The following AUTS2 variants were observed in gnomAD, a reference collection of about 807,000 sequenced individuals.
AUTS2 encodes the protein activator of transcription and developmental regulator AUTS2.
In AUTS2, 17 loss-of-function variants were observed where a neutral mutation model predicts 112.4. That is an observed-to-expected ratio of 0.15 (90% CI 0.10 to 0.23). The LOEUF is 0.23. Among genes scored for constraint, AUTS2 ranks in the 10% least tolerant of loss-of-function variants. The pLI is 1.00. For missense variants in AUTS2, 1,510 were observed against 1,701.6 expected (o/e 0.89, Z 1.98); for synonymous variants, 751 against 702.7 (o/e 1.07, Z -1.09).
intron 1 of AUTS2, among the ~76,000 whole-genome samples, chr7:69,690,647 C>T (rs1343850545): frequency 1.3e-5 from 2 of 152,174 alleles, no homozygotes; most frequent in Admixed American, 6.5e-5. Flanking sequence ...GCGGTGGCAC[C>T]TGGAAGCTTG....
At chr7:69,806,086 GAC>G (rs1790288606) in intron 1 of AUTS2, among the ~76,000 whole-genome samples, 1 of 146,014 alleles carries the variant, frequency 6.8e-6, no homozygotes, top group South Asian at 2.2e-4. Flanking sequence ...TTTTGATAGA[GAC>G]ACACACGGTC....
intron 6 of AUTS2, among the ~76,000 whole-genome samples, chr7:70,715,094 C>T (rs748199592): frequency 2.0e-5 from 3 of 152,204 alleles, no homozygotes; most frequent in African/African-American, 7.2e-5. Flanking sequence ...CCCTCATCAA[C>T]TAGAGTTCTT....
At chr7:70,731,663 T>G (rs1158839507) in intron 6 of AUTS2, among the ~76,000 whole-genome samples, 1 of 151,810 alleles carries the variant, frequency 6.6e-6, no homozygotes, top group Non-Finnish European at 1.5e-5. Context: ...TCTCCTGACC[T>G]TGTGATCCAC....
rs1583911122 is a variant in AUTS2, at chr7:69,598,601, T to C, written c.-1053T>C. 3 of 171,532 alleles carry C rather than the reference T, an allele frequency of 1.7e-5. No homozygotes were observed. The East Asian group carries it at 5.9e-4, about 34-fold the overall frequency. The allele number at this position is 171,532 out of a possible 1,614,324, so 10.6% of individuals were successfully genotyped here. A position where few individuals can be genotyped will look rare whatever the true frequency, so the allele number is the denominator to read the frequency against. ...CGGCGGCGAGAGCAGCGTTCCCGGC[T>C]GCGCTTCTCCCTCAGGCGGGGCGGC... On this transcript the variant is annotated 5_prime_UTR_variant, in exon 1 of 19. Transcript: ENST00000342771.
intron 6 of AUTS2, among the ~76,000 whole-genome samples, chr7:70,721,804 G>A (rs1786696769): frequency 6.6e-6 from 1 of 152,096 alleles, no homozygotes; most frequent in African/African-American, 2.4e-5. Context: ...TAGATCCACT[G>A]TTCTTAACAT....
chr7:70,038,447 G>A (rs1046303421), intron 2 of AUTS2, among the ~76,000 whole-genome samples: 2 of 152,108 alleles, frequency 1.3e-5, no homozygotes, highest in African/African-American at 4.8e-5. Context: ...GCAGAGAAAC[G>A]TTGACTGGTG....
chr7:69,937,664 AC>A (rs1449835067), intron 2 of AUTS2, among the ~76,000 whole-genome samples: 2 of 152,202 alleles, frequency 1.3e-5, no homozygotes, highest in African/African-American at 4.8e-5. Flanking sequence ...GTCCCTGAGT[AC>A]AATATTAGGC....
At chr7:70,691,950 G>A (rs1464763521) in intron 5 of AUTS2, among the ~76,000 whole-genome samples, 3 of 144,536 alleles carry the variant, frequency 2.1e-5, no homozygotes, top group Non-Finnish European at 4.5e-5. Context: ...GCGTGATCTC[G>A]GCTCACTGCA....
At chr7:69,910,207 T>C (rs1795297530) in intron 2 of AUTS2, among the ~76,000 whole-genome samples, 1 of 152,184 alleles carries the variant, frequency 6.6e-6, no homozygotes, top group African/African-American at 2.4e-5. Flanking sequence ...GGGAGTATAT[T>C]GGTGTCATGG....
At chr7:70,518,552 C>T (rs896416132) in intron 5 of AUTS2, among the ~76,000 whole-genome samples, 1 of 151,936 alleles carries the variant, frequency 6.6e-6, no homozygotes, top group Non-Finnish European at 1.5e-5. Context: ...GGCGTGGTGG[C>T]GGGTGCCTGT....
At chr7:70,417,569 C>G (rs1241473147) in intron 4 of AUTS2, among the ~76,000 whole-genome samples, 2 of 152,216 alleles carry the variant, frequency 1.3e-5, no homozygotes, top group African/African-American at 4.8e-5. Flanking sequence ...GCTTGCAAAC[C>G]GTTACTTACA....
intron 3 of AUTS2, 126 bp downstream of exon 3, chr7:70,118,359 G>C (rs1377381750): frequency 2.6e-6 from 3 of 1,141,898 alleles, no homozygotes; most frequent in Non-Finnish European, 3.5e-6. Flanking sequence ...GTCTACCCAA[G>C]CATTGCGGTT....
At chr7:70,068,107 G>A (rs983349930) in intron 2 of AUTS2, among the ~76,000 whole-genome samples, 1 of 151,158 alleles carries the variant, frequency 6.6e-6, no homozygotes, top group Admixed American at 6.6e-5. Flanking sequence ...AAAACAGAAA[G>A]AAAATGCACC....
intron 5 of AUTS2, among the ~76,000 whole-genome samples, chr7:70,617,532 G>A (rs1457326114): frequency 1.3e-5 from 2 of 152,102 alleles, no homozygotes; most frequent in East Asian, 1.9e-4. Flanking sequence ...GCGTGGTGGC[G>A]GGCGCCTGTA....
chr7:70,433,821 A>C (rs1795776502), intron 4 of AUTS2, among the ~76,000 whole-genome samples: 1 of 152,208 alleles, frequency 6.6e-6, no homozygotes, highest in Non-Finnish European at 1.5e-5. Context: ...GTCTGAAAAG[A>C]ATAAGTAGTC....
At chr7:70,781,877 C>A in intron 15 of AUTS2, 121 bp downstream of exon 15, 1 of 1,337,302 alleles carries the variant, frequency 7.5e-7, no homozygotes, top group Non-Finnish European at 1.0e-6. Flanking sequence ...CAGTTAATGC[C>A]AGCTTGCAAG....
chr7:70,282,034 A>C (rs1289421995), intron 4 of AUTS2, among the ~76,000 whole-genome samples: 2 of 152,152 alleles, frequency 1.3e-5, no homozygotes, highest in African/African-American at 4.8e-5. Flanking sequence ...CTTTAATGAT[A>C]ATTTTGAGTT....
At chr7:69,838,833 A>G (rs1016965689) in intron 1 of AUTS2, among the ~76,000 whole-genome samples, 2 of 152,122 alleles carry the variant, frequency 1.3e-5, no homozygotes, top group South Asian at 2.1e-4. Context: ...CACATGGAGC[A>G]TAGTTTTATT....
At chr7:69,637,817 C>T (rs1794618594) in intron 1 of AUTS2, among the ~76,000 whole-genome samples, 2 of 152,146 alleles carry the variant, frequency 1.3e-5, no homozygotes, top group East Asian at 3.9e-4. Context: ...CTTGGAGAGG[C>T]TGTTATACCT....
Sources: gnomAD v4.1 joint callset for allele counts (sites outside exome capture counted in the v4.1 genomes callset) on GRCh38, gnomAD v4.1.1 for gene constraint, MANE v1.5 for transcripts, NCBI Gene and HGNC (gene_info 2026-07-23, HGNC 2026-07-21) for gene names.